MAP1LC3B2: variants seen among roughly 807,000 people sequenced by gnomAD.
The protein encoded by MAP1LC3B2 is microtubule associated protein 1 light chain 3 beta 2.
For synonymous variants in MAP1LC3B2, 62 were observed against 57.8 expected, an observed-to-expected ratio of 1.07 and a Z score of -0.33; for missense variants, 155 against 154.6, an observed-to-expected ratio of 1.00 and a Z score of -0.01.
chr12:116,571,139 C>T (rs1869518422), intron 1 of MAP1LC3B2, among the ~76,000 whole-genome samples: 1 of 152,168 alleles, frequency 6.6e-6, no homozygotes, highest in Non-Finnish European at 1.5e-5. Context: ...ATATTTAAGA[C>T]CATGTAGTCC....
chr12:116,560,232 A>ATG (rs1390231974), intron 1 of MAP1LC3B2: 34 of 60,830 alleles, frequency 5.6e-4, no homozygotes, highest in South Asian at 1.9e-3. Flanking sequence ...ATATATATAT[A>ATG]TATATATATG....
intron 1 of MAP1LC3B2, among the ~76,000 whole-genome samples, chr12:116,570,393 T>A (rs1441720282): frequency 3.9e-5 from 6 of 152,188 alleles, no homozygotes; most frequent in Admixed American, 3.9e-4. Flanking sequence ...TGCCCAACTG[T>A]AGGTTAATAT....
chr12:116,566,631 A>AAAC (rs1353558663), intron 1 of MAP1LC3B2, among the ~76,000 whole-genome samples: 2 of 144,028 alleles, frequency 1.4e-5, no homozygotes, highest in African/African-American at 5.7e-5. Context: ...AAAAAAAAAA[A>AAAC]AAAAAAAACA....
At chr12:116,566,930 CAAAAAAAAAAAAAAAAAAAAAAA>C (rs56405000) in intron 1 of MAP1LC3B2, among the ~76,000 whole-genome samples, 17 of 26,762 alleles carry the variant, frequency 6.4e-4, no homozygotes, top group East Asian at 5.3e-3. Context: ...GACTCTGTCT[CAAAAAAAAAAAAAAAAAAAAAAA>C]AAAAAAAAAA....
Position 116,576,482 on chromosome 12 carries a change from G to A in MAP1LC3B2, c.*162G>A. The A allele has an allele frequency of 2.2e-6, 2 of 912,312 alleles. No individual in the cohort carries two copies. The highest frequency in any genetic ancestry group is 3.3e-6 in the Non-Finnish European group (2 of 612,052). The allele number at this position is 912,312 out of a possible 1,614,324, so 56.5% of individuals were successfully genotyped here. ...GGAAGTTGTGTTTGTGTTTCAAGCAGAAAAACTGAGCTCCAAGTGAGCACA... is the reference window on the plus strand; with the variant it reads ...GGAAGTTGTGTTTGTGTTTCAAGCAAAAAAACTGAGCTCCAAGTGAGCACA... On this transcript the variant is annotated 3_prime_UTR_variant, in exon 2 of 2. Coordinates refer to ENST00000556529, the MANE Select transcript of MAP1LC3B2 (RefSeq NM_001085481.3).
At chr12:116,566,400 GGAA>G (rs1869385408) in intron 1 of MAP1LC3B2, among the ~76,000 whole-genome samples, 1 of 152,072 alleles carries the variant, frequency 6.6e-6, no homozygotes, top group Admixed American at 6.6e-5. Context: ...AGCAGGTAAA[GGAA>G]GAAGATGTTC....
intron 1 of MAP1LC3B2, among the ~76,000 whole-genome samples, chr12:116,567,653 C>A (rs887999837): frequency 4.0e-5 from 6 of 151,850 alleles, no homozygotes; most frequent in Non-Finnish European, 7.4e-5. Context: ...GAGGTTGAGG[C>A]AGGAGAATTG....
At chr12:116,565,764 T>C (rs1374208007) in intron 1 of MAP1LC3B2, among the ~76,000 whole-genome samples, 2 of 152,166 alleles carry the variant, frequency 1.3e-5, no homozygotes, top group Admixed American at 1.3e-4. Flanking sequence ...CAAGATGATA[T>C]ACGATAGTGG....
At chr12:116,562,817 C>A (rs969070838) in intron 1 of MAP1LC3B2, among the ~76,000 whole-genome samples, 1 of 152,108 alleles carries the variant, frequency 6.6e-6, no homozygotes, top group South Asian at 2.1e-4. Flanking sequence ...GAAAGTCTGA[C>A]TTGGCAAAAC....
Position 116,576,238 on chromosome 12 carries a change from A to G in MAP1LC3B2, c.296A>G (p.Tyr99Cys). 1 of 1,614,140 alleles carries G rather than the reference A, an allele frequency of 6.2e-7. No homozygotes were observed. The highest frequency in any genetic ancestry group is 8.5e-7 in the Non-Finnish European group (1 of 1,179,992). Reference sequence around the variant, plus strand: ...GTCTCCACACCAATCTCAGAGGTGTATGAGAGTGAGAAAGATGAAGATGGA... The same window carrying G: ...GTCTCCACACCAATCTCAGAGGTGTGTGAGAGTGAGAAAGATGAAGATGGA... ...VSVSTPISEV[Y>C]ESEKDEDGFL... The change falls in exon 2 of 2, where the codon TAT becomes TGT. Residue 99 changes from tyrosine (Y) to cysteine (C), a missense_variant. By Grantham distance (194) the Tyr-to-Cys change is radical. Transcript: ENST00000556529.
At chr12:116,561,577 G>A (rs1869272184) in intron 1 of MAP1LC3B2, among the ~76,000 whole-genome samples, 1 of 152,164 alleles carries the variant, frequency 6.6e-6, no homozygotes, top group South Asian at 2.1e-4. Flanking sequence ...GAGGACTCCC[G>A]AGACTAAGGG....
chr12:116,562,092 G>A (rs8181728), intron 1 of MAP1LC3B2, among the ~76,000 whole-genome samples: 43,700 of 152,030 alleles, frequency 0.29, 6,795 homozygotes, highest in African/African-American at 0.38. Context: ...AATAGTTGCC[G>A]AAACTCGTAG....
At chr12:116,572,912 A>G (rs777791930) in intron 1 of MAP1LC3B2, among the ~76,000 whole-genome samples, 8 of 152,066 alleles carry the variant, frequency 5.3e-5, no homozygotes, top group Non-Finnish European at 7.4e-5. Context: ...CCTCAATTCA[A>G]TTGTGGCGGA....
chr12:116,567,416 G>T (rs1326194140), intron 1 of MAP1LC3B2, among the ~76,000 whole-genome samples: 1 of 150,576 alleles, frequency 6.6e-6, no homozygotes, highest in East Asian at 1.9e-4. Context: ...GAGAGTTTTA[G>T]TCACTTGTAT....
At chr12:116,562,274 C>T (rs1334843352) in intron 1 of MAP1LC3B2, among the ~76,000 whole-genome samples, 1 of 152,172 alleles carries the variant, frequency 6.6e-6, no homozygotes, top group Non-Finnish European at 1.5e-5. Context: ...CTGGATCCAC[C>T]TGTGCCTGAA....
At chr12:116,572,872 C>T (rs1209307263) in intron 1 of MAP1LC3B2, among the ~76,000 whole-genome samples, 1 of 152,184 alleles carries the variant, frequency 6.6e-6, no homozygotes, top group Non-Finnish European at 1.5e-5. Context: ...GATGGAGAGG[C>T]CCTTGGCAGG....
At chr12:116,574,248 T>TAA (rs11402160) in intron 1 of MAP1LC3B2, among the ~76,000 whole-genome samples, 124 of 148,650 alleles carry the variant, frequency 8.3e-4, no homozygotes, top group South Asian at 3.4e-3. Context: ...TTGTAATAGT[T>TAA]AAAAAAAAAA....
rs571235643 is a variant in MAP1LC3B2, at chr12:116,562,703, C to T, written c.-102+3270C>T. On this transcript the variant is annotated intron_variant, in intron 1 of 1. Transcript: ENST00000556529. Reference sequence around the variant, plus strand: ...CTATGTATTTGCTCTCCATAACTGACAGATGTTGGCATTTTCTCACAGTTG... The same window carrying T: ...CTATGTATTTGCTCTCCATAACTGATAGATGTTGGCATTTTCTCACAGTTG... 9.8e-5 allele frequency among the ~76,000 whole-genome samples: 15 copies of T among 152,294 alleles called. 1 individual carries two copies. The highest frequency in any genetic ancestry group is 3.6e-4 in the African/African-American group (15 of 41,576).
chr12:116,569,311 G>A (rs1869469917), intron 1 of MAP1LC3B2, among the ~76,000 whole-genome samples: 1 of 151,988 alleles, frequency 6.6e-6, no homozygotes, highest in African/African-American at 2.4e-5. Context: ...AAACAGTGGG[G>A]AGCTAAAATA....
Sources: gnomAD v4.1 joint callset for allele counts (sites outside exome capture counted in the v4.1 genomes callset) on GRCh38, gnomAD v4.1.1 for gene constraint, MANE v1.5 for transcripts, NCBI Gene and HGNC (gene_info 2026-07-23, HGNC 2026-07-21) for gene names.